Variants in MTR observed in about 807,000 individuals in gnomAD.
MTR encodes the protein 5-methyltetrahydrofolate-homocysteine methyltransferase.
A neutral mutation model predicts 154.8 loss-of-function variants in MTR; 84 were observed. That is an observed-to-expected ratio of 0.54 (90% CI 0.45 to 0.65). MTR has a LOEUF of 0.65. MTR is among the 30% of genes least tolerant of loss of function. The pLI is 0.00. For synonymous variants in MTR, 554 were observed against 553.9 expected (o/e 1.00, Z 0.00); for missense variants, 1,275 against 1,570.2 (o/e 0.81, Z 3.18).
chr1:236,795,816 C>T (rs1178333642), intron 1 of MTR, 79 bp downstream of exon 1: 1 of 1,606,230 alleles, frequency 6.2e-7, no homozygotes, highest in Non-Finnish European at 8.5e-7. Context: ...TGGGGCGATT[C>T]CCTTCTGCGG....
At chr1:236,849,862 A>C (rs1663799483) in intron 15 of MTR, among the ~76,000 whole-genome samples, 1 of 152,236 alleles carries the variant, frequency 6.6e-6, no homozygotes, top group African/African-American at 2.4e-5. Context: ...ATGTTTTTGC[A>C]AGAAGATCTG....
intron 15 of MTR, among the ~76,000 whole-genome samples, chr1:236,845,708 C>T (rs1020416042): frequency 1.3e-5 from 2 of 152,092 alleles, no homozygotes; most frequent in Non-Finnish European, 2.9e-5. Flanking sequence ...AAATATTATG[C>T]AGATTATGGA....
At chr1:236,842,528 T>C (rs563934909) in intron 15 of MTR, among the ~76,000 whole-genome samples, 2 of 152,214 alleles carry the variant, frequency 1.3e-5, no homozygotes, top group African/African-American at 2.4e-5. Context: ...CTCCAAACCG[T>C]CTATTGAGTT....
intron 8 of MTR, among the ~76,000 whole-genome samples, chr1:236,822,899 C>T (rs1186679873): frequency 6.6e-6 from 1 of 152,130 alleles, no homozygotes; most frequent in Non-Finnish European, 1.5e-5. Flanking sequence ...GATATCCTTG[C>T]CTTGTTCCTC....
chr1:236,885,263 T>A (rs779952613), intron 26 of MTR, 44 bp downstream of exon 26: 3 of 1,144,082 alleles, frequency 2.6e-6, no homozygotes, highest in East Asian at 2.3e-5. Context: ...AATGTGACTG[T>A]TTTTTATGAT....
chr1:236,847,773 C>T (rs1663666918), intron 15 of MTR, among the ~76,000 whole-genome samples: 1 of 152,200 alleles, frequency 6.6e-6, no homozygotes, highest in Admixed American at 6.5e-5. Flanking sequence ...AACAAGCAAA[C>T]AGAAATCCCT....
At chr1:236,799,350 G>A (rs946636509) in intron 1 of MTR, among the ~76,000 whole-genome samples, 40 of 151,118 alleles carry the variant, frequency 2.6e-4, no homozygotes, top group African/African-American at 4.9e-5. Context: ...TTTCGAACTC[G>A]TGGACTCAGT....
chr1:236,836,949 G>T (rs1662945402), intron 14 of MTR, among the ~76,000 whole-genome samples: 1 of 152,132 alleles, frequency 6.6e-6, no homozygotes, highest in Non-Finnish European at 1.5e-5. Flanking sequence ...TTTGTGAATT[G>T]TAAAGATGCA....
chr1:236,797,785 C>CAGCCTGG (rs1660476963), intron 1 of MTR, among the ~76,000 whole-genome samples: 1 of 151,742 alleles, frequency 6.6e-6, no homozygotes, highest in Admixed American at 6.6e-5. Flanking sequence ...ATGGTGAAAC[C>CAGCCTGG]CCATCTGTAC....
Position 236,795,344 on chromosome 1 carries a change from A to C in MTR, c.-360A>C. ...AAATGTCTGCGGGGCTCAGAGCCGG[A>C]TGTCACGTCGTCCTCCTCTGCCGGT... On this transcript the variant is annotated 5_prime_UTR_variant, in exon 1 of 33. An upstream start codon of the reference 5' UTR is lost. Transcript: ENST00000366577. 7.6e-7 allele frequency: 1 copy of C among 1,323,712 alleles called. No individual in the cohort carries two copies. Among genetic ancestry groups the C allele is most frequent in the Non-Finnish European group, 9.9e-7 (1 of 1,012,746 alleles). 82.0% of individuals were successfully genotyped at this position (1,323,712 alleles called of 1,614,324 possible).
intron 28 of MTR, among the ~76,000 whole-genome samples, chr1:236,890,688 CG>C (rs1229317109): frequency 4.6e-5 from 7 of 152,136 alleles, no homozygotes; most frequent in African/African-American, 1.7e-4. Flanking sequence ...AAATGTCAAT[CG>C]TTACGAATTA....
chr1:236,823,262 G>A (rs1169292764), intron 8 of MTR, among the ~76,000 whole-genome samples: 3 of 152,084 alleles, frequency 2.0e-5, no homozygotes, highest in Non-Finnish European at 2.9e-5. Context: ...AGAGTTTTTC[G>A]AATTCTGGAA....
At chr1:236,844,475 T>A (rs967808139) in intron 15 of MTR, among the ~76,000 whole-genome samples, 2,652 of 66,902 alleles carry the variant, frequency 0.04, 91 homozygotes, top group African/African-American at 0.092. Flanking sequence ...TGTGTGTGTG[T>A]GTGTGTGTGT....
At chr1:236,879,272 C>T (rs1221045192) in intron 24 of MTR, among the ~76,000 whole-genome samples, 1 of 152,206 alleles carries the variant, frequency 6.6e-6, no homozygotes, top group Admixed American at 6.5e-5. Flanking sequence ...GTGTATCTTC[C>T]TGTGTTTTTT....
At chr1:236,805,781 A>C (rs1660947396) in intron 2 of MTR, among the ~76,000 whole-genome samples, 1 of 151,972 alleles carries the variant, frequency 6.6e-6, no homozygotes, top group South Asian at 2.1e-4. Flanking sequence ...TACAAGCGTG[A>C]GCCACCATGC....
Position 236,838,429 on chromosome 1 carries a change from G to T in MTR, c.1345G>T (p.Asp449Tyr). The T allele has an allele frequency of 6.2e-7, 1 of 1,613,976 alleles. No homozygotes were observed. The highest frequency in any genetic ancestry group is 1.1e-5 in the South Asian group (1 of 91,046). ...CTGATCTCAGGTACCTTTGTGCATC[G>T]ACTCCTCCAATTTTGCTGTGATTGA... is the stretch of plus-strand genomic sequence containing the variant. ...PDIAKVPLCI[D>Y]SSNFAVIEAG... The change falls in exon 15 of 33, where the codon GAC becomes TAC. Residue 449 changes from aspartate (D) to tyrosine (Y), a missense_variant. By Grantham distance (160) the Asp-to-Tyr change is radical (BLOSUM62 -3). Coordinates refer to ENST00000366577, the MANE Select transcript of MTR (RefSeq NM_000254.3).
chr1:236,880,914 A>T (rs558942358), intron 25 of MTR, 78 bp downstream of exon 25: 1 of 1,333,194 alleles, frequency 7.5e-7, no homozygotes, highest in Non-Finnish European at 1.1e-6. Context: ...CTTAAGATCT[A>T]TTCATTTTTA....
At chr1:236,804,672 G>A (rs1660878297) in intron 2 of MTR, among the ~76,000 whole-genome samples, 1 of 151,818 alleles carries the variant, frequency 6.6e-6, no homozygotes, top group Non-Finnish European at 1.5e-5. Context: ...ACTTAAATTA[G>A]TTCTTATAAA....
intron 8 of MTR, among the ~76,000 whole-genome samples, chr1:236,821,687 C>T (rs1424091333): frequency 2.0e-5 from 3 of 152,050 alleles, no homozygotes; most frequent in Non-Finnish European, 1.5e-5. Flanking sequence ...AAATTTTAAT[C>T]GTTTTGCAAT....
Sources: allele counts gnomAD v4.1 joint callset (sites outside exome capture counted in the v4.1 genomes callset), GRCh38; gene constraint gnomAD v4.1.1; transcripts MANE v1.5; gene names NCBI Gene and HGNC (gene_info 2026-07-23, HGNC 2026-07-21).